Variants in PPP1R9A observed in about 807,000 individuals in gnomAD.
PPP1R9A encodes the protein protein phosphatase 1 regulatory subunit 9A.
Under a neutral mutation model 141.9 loss-of-function variants are expected in PPP1R9A, and 59 were observed. The observed-to-expected ratio is 0.42, with a 90% CI of 0.34 to 0.52. PPP1R9A has a LOEUF of 0.52. Among genes scored for constraint, PPP1R9A ranks in the 20% least tolerant of loss-of-function variants. The pLI, the probability that PPP1R9A is intolerant of heterozygous loss-of-function variation, is 0.10. For synonymous variants in PPP1R9A, 500 were observed against 569.7 expected (o/e 0.88, Z 1.74); for missense variants, 1,444 against 1,611.9 (o/e 0.90, Z 1.78).
At chr7:95,105,691 A>AT (rs34236516) in intron 2 of PPP1R9A, among the ~76,000 whole-genome samples, 5 of 152,284 alleles carry the variant, frequency 3.3e-5, no homozygotes, top group Non-Finnish European at 7.4e-5. Flanking sequence ...TTAATTATCC[A>AT]TTTTTTTGTA....
chr7:94,962,466 A>G (rs1288404440), intron 2 of PPP1R9A, among the ~76,000 whole-genome samples: 1 of 152,034 alleles, frequency 6.6e-6, no homozygotes, highest in Non-Finnish European at 1.5e-5. Context: ...GGTTTTCCCC[A>G]TGTTGTGAAT....
At chr7:95,159,925 C>CAAA (rs751687197) in intron 4 of PPP1R9A, among the ~76,000 whole-genome samples, 67 of 106,642 alleles carry the variant, frequency 6.3e-4, no homozygotes, top group Middle Eastern at 4.8e-3. Flanking sequence ...GACATTGTCT[C>CAAA]AAAAAAAAAA....
chr7:95,250,015 G>A lies in PPP1R9A; in HGVS notation c.2167-11G>A. ...CCAAATTATCTTTGCCTTGACGTTT[G>A]CTTTCTCCAGCTGCAGGCAGCAGAA... On this transcript the variant is annotated splice_polypyrimidine_tract_variant and intron_variant, in intron 9 of 19. Transcript: ENST00000433360. 6.3e-7 allele frequency: 1 copy of A among 1,580,902 alleles called. No homozygotes were observed. Among genetic ancestry groups the A allele is most frequent in the Non-Finnish European group, 8.6e-7 (1 of 1,166,632 alleles).
chr7:95,248,035 A>G (rs1035179632), intron 9 of PPP1R9A, among the ~76,000 whole-genome samples: 1 of 151,470 alleles, frequency 6.6e-6, no homozygotes, highest in Non-Finnish European at 1.5e-5. Context: ...TTTGGTTCAC[A>G]TAATTTAAAT....
chr7:95,009,881 A>G (rs1332647130), intron 2 of PPP1R9A, among the ~76,000 whole-genome samples: 1 of 152,172 alleles, frequency 6.6e-6, no homozygotes, highest in African/African-American at 2.4e-5. Context: ...CATAGGGAAA[A>G]TAGTTCCTCA....
intron 2 of PPP1R9A, among the ~76,000 whole-genome samples, chr7:94,930,236 G>C (rs905099383): frequency 2.6e-5 from 4 of 152,166 alleles, no homozygotes; most frequent in African/African-American, 9.7e-5. Context: ...GCATGATGGG[G>C]GAGCCCCACA....
At chr7:95,268,110 G>T (rs1801586624) in intron 12 of PPP1R9A, among the ~76,000 whole-genome samples, 1 of 152,054 alleles carries the variant, frequency 6.6e-6, no homozygotes, top group South Asian at 2.1e-4. Flanking sequence ...GTAAATTTAT[G>T]ATAGTTACCT....
At chr7:95,150,045 G>A (rs766426151) in intron 4 of PPP1R9A, among the ~76,000 whole-genome samples, 2 of 150,600 alleles carry the variant, frequency 1.3e-5, no homozygotes, top group Non-Finnish European at 2.9e-5. Flanking sequence ...CCCAGAAATA[G>A]ACCCACATAA....
intron 16 of PPP1R9A, among the ~76,000 whole-genome samples, chr7:95,280,630 C>T (rs1804024471): frequency 6.6e-6 from 1 of 152,118 alleles, no homozygotes; most frequent in Admixed American, 6.6e-5. Flanking sequence ...CTAGGAGTGA[C>T]TTATGATTCT....
rs114173612 is a variant in PPP1R9A, at chr7:95,117,878, A to G, written c.1529-2834A>G. On this transcript the variant is annotated intron_variant, in intron 3 of 19. Transcript: ENST00000433360. ...AGATTTCATACAGGAGAGAAATTCT[A>G]TGGTATTTTTCTGCATGGAAGAGGC... Among the ~76,000 whole-genome samples the G allele has an allele frequency of 2.6e-3, 394 of 152,322 alleles. 1 individual carries two copies. Among genetic ancestry groups the G allele is most frequent in the African/African-American group, 8.3e-3 (347 of 41,574 alleles).
intron 2 of PPP1R9A, among the ~76,000 whole-genome samples, chr7:94,941,351 T>G (rs1408489894): frequency 6.6e-6 from 1 of 152,116 alleles, no homozygotes; most frequent in Non-Finnish European, 1.5e-5. Flanking sequence ...GATATGGAAT[T>G]GTATCTTTAC....
intron 2 of PPP1R9A, among the ~76,000 whole-genome samples, chr7:94,940,597 G>A (rs1451758309): frequency 6.6e-6 from 1 of 151,858 alleles, no homozygotes; most frequent in Non-Finnish European, 1.5e-5. Context: ...AAAATAAGTT[G>A]GCTCTGTTAG....
rs1321622053 is a variant in PPP1R9A at position 94,910,826 on chromosome 7, T to C, written c.713T>C (p.Leu238Ser). Residue 238 changes from leucine to serine, a missense_variant, in exon 2 of 20, where the codon TTA (leucine) becomes TCA (serine). By Grantham distance (145) the Leu-to-Ser change is moderately radical. Around this residue, in one of 5 missense-constraint regions of PPP1R9A, gnomAD observed 490 missense variants for 521.1 expected, o/e 0.94. Coordinates refer to ENST00000433360, the MANE Select transcript of PPP1R9A (RefSeq NM_001166160.2). The surrounding 1 kb of genome is among the most constrained non-coding windows in gnomAD (Gnocchi z 4.5). ...YSVTGHYPLNLPSVTVTNLDT... is the reference protein window; with the variant it reads ...YSVTGHYPLNSPSVTVTNLDT... ...GTGACTGGGCATTATCCCTTGAATT[T>C]ACCATCTGTTACTGTTACAAATCTT... 14 of 1,613,912 alleles carry C rather than the reference T, an allele frequency of 8.7e-6. No individual in the cohort carries two copies. Among genetic ancestry groups the C allele is most frequent in the Non-Finnish European group, 1.2e-5 (14 of 1,179,992 alleles).
At chr7:95,230,163 G>A (rs758338956) in intron 8 of PPP1R9A, among the ~76,000 whole-genome samples, 1 of 152,158 alleles carries the variant, frequency 6.6e-6, no homozygotes, top group Non-Finnish European at 1.5e-5. Flanking sequence ...AATCTGAACA[G>A]TAGCCCTTGA....
Position 95,111,265 on chromosome 7 carries a change from A to C in PPP1R9A, c.1402A>C (p.Asn468His). The C allele has an allele frequency of 6.2e-7, 1 of 1,610,682 alleles. No homozygotes were observed. Among genetic ancestry groups the C allele is most frequent in the South Asian group, 1.1e-5 (1 of 90,732 alleles). ...TGTTGGCCTCTTACTACAGGTTTTC[A>C]ACACATACTCCAATGAAGACTATGA... is the stretch of plus-strand genomic sequence containing the variant. Reference protein sequence around the residue: ...KFSSAPIKVFNTYSNEDYDRR... With the variant: ...KFSSAPIKVFHTYSNEDYDRR... Residue 468 changes from asparagine (N) to histidine (H), a missense_variant, in exon 3 of 20, where the codon AAC becomes CAC. Physicochemically the swap from Asn to His is moderately conservative, Grantham distance 68. This residue lies in a region of PPP1R9A where 488 missense variants were observed against 542.0 expected (regional missense o/e 0.90). Coordinates refer to ENST00000433360, the MANE Select transcript of PPP1R9A (RefSeq NM_001166160.2).
intron 5 of PPP1R9A, among the ~76,000 whole-genome samples, chr7:95,187,516 G>A (rs1834822918): frequency 6.6e-6 from 1 of 151,816 alleles, no homozygotes; most frequent in Non-Finnish European, 1.5e-5. Flanking sequence ...ATTTCATTTA[G>A]TTCTGCTCTA....
chr7:95,210,267 A>G (rs1029144761), intron 7 of PPP1R9A, among the ~76,000 whole-genome samples: 2 of 152,158 alleles, frequency 1.3e-5, no homozygotes, highest in Non-Finnish European at 2.9e-5. Flanking sequence ...ATGTATGATA[A>G]AAAATTTAAA....
At chr7:95,009,463 A>G (rs979346565) in intron 2 of PPP1R9A, among the ~76,000 whole-genome samples, 3 of 152,160 alleles carry the variant, frequency 2.0e-5, no homozygotes, top group South Asian at 2.1e-4. Context: ...ACCAGTGGCT[A>G]GGTAGTAGGG....
intron 2 of PPP1R9A, among the ~76,000 whole-genome samples, chr7:95,095,553 G>A (rs1449781809): frequency 1.3e-5 from 2 of 152,212 alleles, no homozygotes; most frequent in Non-Finnish European, 2.9e-5. Context: ...AGGGGAACAT[G>A]AGACAGATAC....
Sources: gnomAD v4.1 joint callset for allele counts (sites outside exome capture counted in the v4.1 genomes callset) on GRCh38, gnomAD v4.1.1 for gene constraint, gnomAD v4.1.1 regional missense constraint, Gnocchi (gnomAD v3.1) non-coding constraint, MANE v1.5 for transcripts, NCBI Gene and HGNC (gene_info 2026-07-23, HGNC 2026-07-21) for gene names.